The following ERAP1 variants were observed in gnomAD, a reference collection of about 807,000 sequenced individuals.
The protein encoded by ERAP1 is endoplasmic reticulum aminopeptidase 1.
Under a neutral mutation model 103.7 loss-of-function variants are expected in ERAP1, and 86 were observed. The ratio of observed to expected loss-of-function variants is 0.83; its 90% CI spans 0.70 to 0.99. The LOEUF (loss-of-function observed/expected upper bound fraction) is 0.99. Ranked by LOEUF, ERAP1 falls within the 50% of genes least tolerant of loss-of-function variation. The probability of loss-of-function intolerance (pLI) is 0.00; values close to 1 mark genes in which losing one functional copy is unlikely to be tolerated. For missense variants in ERAP1, 1,009 were observed against 1,128.4 expected, an observed-to-expected ratio of 0.89 and a Z score of 1.52; for synonymous variants, 398 against 402.4, an observed-to-expected ratio of 0.99 and a Z score of 0.13.
rs3198304 is a variant in ERAP1, at chr5:96,775,524, A to T, written c.*872T>A. 5 of 941,568 alleles carry T rather than the reference A, an allele frequency of 5.3e-6. No homozygotes were observed. The highest frequency in any genetic ancestry group is 6.1e-6 in the Non-Finnish European group (5 of 814,264). The allele number at this position is 941,568 out of a possible 1,614,324, so 58.3% of individuals were successfully genotyped here. On this transcript the variant is annotated 3_prime_UTR_variant, in exon 19 of 19. Transcript: ENST00000443439. Reference sequence around the variant, plus strand: ...GAAGAGATACTGTACCAGTCAGGGAAATAGATGACACTCACTCAGAATTAT... The same window carrying T: ...GAAGAGATACTGTACCAGTCAGGGATATAGATGACACTCACTCAGAATTAT...
chr5:96,783,140 T>G lies in ERAP1; in HGVS notation c.2196A>C (p.Leu732=), dbSNP rs368497791. 6.1e-5 allele frequency: 99 copies of G among 1,613,798 alleles called. No individual in the cohort carries two copies. Among genetic ancestry groups the G allele is most frequent in the Non-Finnish European group, 7.7e-5 (91 of 1,179,992 alleles). The part of the protein sequence containing the change: ...VSERMLRSQL[L]LLACVHNYQP... ...GATAGTTGTGCACACAGGCGAGGAG[T>G]AGTAGTTGACTCCGCAGCATTCGCT... Residue 732 remains leucine, a synonymous_variant, in exon 15 of 19, where the codon CTA becomes CTC. Coordinates refer to ENST00000443439, the MANE Select transcript of ERAP1 (RefSeq NM_001040458.3).
At chr5:96,886,604 T>C in the ERAP1 span, 4 of 1,435,210 alleles carry the variant, frequency 2.8e-6, no homozygotes, top group Admixed American at 3.9e-5. Flanking sequence ...TAGGCATGGT[T>C]ATGAAATACT....
chr5:96,903,719 G>T, the ERAP1 span, among the ~76,000 whole-genome samples: 1 of 151,904 alleles, frequency 6.6e-6, no homozygotes, highest in Non-Finnish European at 1.5e-5. Context: ...CACTAATAAC[G>T]TATTTTGACC....
chr5:96,835,363 A>C, the ERAP1 span, among the ~76,000 whole-genome samples: 1 of 152,222 alleles, frequency 6.6e-6, no homozygotes, highest in Non-Finnish European at 1.5e-5. Flanking sequence ...TGCTCCTTTA[A>C]GCCACATGAA....
the ERAP1 span, among the ~76,000 whole-genome samples, chr5:96,921,885 A>G: frequency 2.0e-5 from 3 of 152,268 alleles, no homozygotes; most frequent in East Asian, 3.8e-4. Flanking sequence ...CATCCAAAGA[A>G]TACCACAGTT....
the ERAP1 span, chr5:96,900,194 G>C: frequency 1.9e-6 from 3 of 1,613,512 alleles, no homozygotes; most frequent in South Asian, 2.2e-5. Flanking sequence ...AACATGGTAA[G>C]GATAAAGAGA....
At chr5:96,907,688 C>A in the ERAP1 span, among the ~76,000 whole-genome samples, 1 of 151,912 alleles carries the variant, frequency 6.6e-6, no homozygotes, top group African/African-American at 2.4e-5. Context: ...TCAAGACCAG[C>A]CTGGCCAACA....
the ERAP1 span, chr5:96,814,367 G>GTCTT: frequency 6.6e-6 from 3 of 455,438 alleles, no homozygotes; most frequent in Non-Finnish European, 1.3e-5. Flanking sequence ...GATCATGGGG[G>GTCTT]CAACTTAGAT....
At chr5:96,778,997 T>A (rs1054384813) in intron 18 of ERAP1, among the ~76,000 whole-genome samples, 1 of 152,206 alleles carries the variant, frequency 6.6e-6, no homozygotes, top group Admixed American at 6.5e-5. Context: ...TGATATTTCC[T>A]CTGCACACAA....
At chr5:96,910,076 C>A in the ERAP1 span, 3 of 209,518 alleles carry the variant, frequency 1.4e-5, no homozygotes, top group Admixed American at 4.9e-5. Flanking sequence ...ACCAGCCTGG[C>A]CAACATAGTG....
At chr5:96,826,048 A>T in the ERAP1 span, among the ~76,000 whole-genome samples, 2 of 152,190 alleles carry the variant, frequency 1.3e-5, no homozygotes, top group Non-Finnish European at 2.9e-5. Flanking sequence ...ACCACCAGTC[A>T]CCTGGCTTTC....
chr5:96,898,089 G>A, the ERAP1 span, among the ~76,000 whole-genome samples: 3 of 152,088 alleles, frequency 2.0e-5, no homozygotes, highest in Non-Finnish European at 2.9e-5. Flanking sequence ...CCAGCTATTC[G>A]TGAGGCTAAG....
At chr5:96,870,202 C>T in the ERAP1 span, among the ~76,000 whole-genome samples, 1 of 152,168 alleles carries the variant, frequency 6.6e-6, no homozygotes, top group African/African-American at 2.4e-5. Context: ...GCTGAATGGG[C>T]ACTCACAGCC....
chr5:96,850,806 A>G, the ERAP1 span, among the ~76,000 whole-genome samples: 1 of 152,228 alleles, frequency 6.6e-6, no homozygotes, highest in Non-Finnish European at 1.5e-5. Context: ...AAAGATATCC[A>G]GAAAGCCAAT....
At chr5:96,764,196 CTAA>C (rs899823550) in intron 19 of ERAP1, among the ~76,000 whole-genome samples, 3 of 152,070 alleles carry the variant, frequency 2.0e-5, no homozygotes, top group Non-Finnish European at 4.4e-5. Context: ...TATAATAATA[CTAA>C]TAATAATTTA....
At chr5:96,866,601 T>C in the ERAP1 span, among the ~76,000 whole-genome samples, 1 of 152,182 alleles carries the variant, frequency 6.6e-6, no homozygotes, top group Non-Finnish European at 1.5e-5. Context: ...GCCAATGTCA[T>C]TCCCGCAGCT....
At chr5:96,910,851 T>A in the ERAP1 span, among the ~76,000 whole-genome samples, 1 of 152,238 alleles carries the variant, frequency 6.6e-6, no homozygotes, top group Non-Finnish European at 1.5e-5. Context: ...TAGTTGCACA[T>A]TTCCTTTATG....
Position 96,790,293 on chromosome 5 carries a change from T to C in ERAP1, c.1524+3A>G. 6.2e-7 allele frequency: 1 copy of C among 1,613,746 alleles called. No individual in the cohort carries two copies. The highest frequency in any genetic ancestry group is 8.5e-7 in the Non-Finnish European group (1 of 1,179,666). ...GGGAACATGTACAGATATAGAAACTTACTGAGGATGAAGATGAATGTTGAC... is the reference window on the plus strand; with the variant it reads ...GGGAACATGTACAGATATAGAAACTCACTGAGGATGAAGATGAATGTTGAC... On this transcript the variant is annotated splice_donor_region_variant and intron_variant, in intron 10 of 18. Coordinates refer to ENST00000443439, the MANE Select transcript of ERAP1 (RefSeq NM_001040458.3).
the ERAP1 span, among the ~76,000 whole-genome samples, chr5:96,845,495 A>G: frequency 1.1e-4 from 17 of 152,232 alleles, no homozygotes; most frequent in African/African-American, 4.1e-4. Flanking sequence ...TTGGCCTCGC[A>G]AAGTGCTGGA....
Sources: allele counts gnomAD v4.1 joint callset (sites outside exome capture counted in the v4.1 genomes callset), GRCh38; gene constraint gnomAD v4.1.1; transcripts MANE v1.5; gene names NCBI Gene and HGNC (gene_info 2026-07-23, HGNC 2026-07-21).